Variants in PDE3A observed in about 807,000 individuals in gnomAD.
PDE3A encodes the protein cGMP-inhibited 3',5'-cyclic phosphodiesterase 3A.
PDE3A carries 43 observed loss-of-function variants against 98.3 expected under a neutral mutation model. That is an observed-to-expected ratio of 0.44 (90% confidence interval 0.34 to 0.56). PDE3A has a LOEUF of 0.56. Ranked by LOEUF, PDE3A falls within the 20% of genes least tolerant of loss-of-function variation. The pLI, the probability that PDE3A is intolerant of heterozygous loss-of-function variation, is 0.01. For missense variants in PDE3A, 1,427 were observed against 1,440.7 expected, an observed-to-expected ratio of 0.99 and a Z score of 0.15; for synonymous variants, 663 against 567.9, an observed-to-expected ratio of 1.17 and a Z score of -2.38.
intron 1 of PDE3A, among the ~76,000 whole-genome samples, chr12:20,444,612 G>A (rs2120858575): frequency 6.6e-6 from 1 of 152,270 alleles, no homozygotes; most frequent in Non-Finnish European, 1.5e-5. Context: ...ACATTTACGA[G>A]CTCAAAAGTT....
chr12:20,677,797 CA>C (rs1945679760), intron 15 of PDE3A, among the ~76,000 whole-genome samples: 1 of 115,498 alleles, frequency 8.7e-6, no homozygotes, highest in South Asian at 3.2e-4. Context: ...TCTATGCTGC[CA>C]GTTGGGTAAA....
chr12:20,390,469 A>C (rs1007458842), intron 1 of PDE3A, among the ~76,000 whole-genome samples: 2 of 151,220 alleles, frequency 1.3e-5, no homozygotes, highest in Non-Finnish European at 1.5e-5. Flanking sequence ...AAAAAAAAAA[A>C]AAAACTGCAG....
chr12:20,527,516 G>C (rs1946546472), intron 1 of PDE3A, among the ~76,000 whole-genome samples: 2 of 151,968 alleles, frequency 1.3e-5, no homozygotes, highest in African/African-American at 4.8e-5. Flanking sequence ...TTTTTCCTGG[G>C]TCCTCTCTCC....
chr12:20,371,307 T>A (rs1943470463), intron 1 of PDE3A: 1 of 979,330 alleles, frequency 1.0e-6, no homozygotes, highest in Non-Finnish European at 1.2e-6. Context: ...GCCTCCCTAG[T>A]TGAAGCAGAT....
At chr12:20,500,061 G>A (rs890554260) in intron 1 of PDE3A, among the ~76,000 whole-genome samples, 1 of 152,162 alleles carries the variant, frequency 6.6e-6, no homozygotes, top group Admixed American at 6.5e-5. Flanking sequence ...GAAGAAGCAA[G>A]AGTCTCTGCC....
At chr12:20,655,379 A>G (rs571883444) in intron 15 of PDE3A, among the ~76,000 whole-genome samples, 2 of 152,206 alleles carry the variant, frequency 1.3e-5, no homozygotes, top group South Asian at 2.1e-4. Flanking sequence ...GGGGATGTAC[A>G]TTGGGTGGGG....
chr12:20,393,615 C>G (rs1021755723), intron 1 of PDE3A, among the ~76,000 whole-genome samples: 4 of 151,908 alleles, frequency 2.6e-5, no homozygotes, highest in African/African-American at 4.8e-5. Context: ...ATACCCCAAA[C>G]TATGTACAAC....
At chr12:20,430,014 C>G (rs1944668782) in intron 1 of PDE3A, among the ~76,000 whole-genome samples, 1 of 152,116 alleles carries the variant, frequency 6.6e-6, no homozygotes, top group Non-Finnish European at 1.5e-5. Flanking sequence ...CCTTTGAGTT[C>G]TCAGTTTTAT....
intron 1 of PDE3A, among the ~76,000 whole-genome samples, chr12:20,521,660 A>C (rs2121153324): frequency 6.6e-6 from 1 of 152,298 alleles, no homozygotes; most frequent in Admixed American, 6.5e-5. Flanking sequence ...TTATTTCAAG[A>C]TTATTAATTC....
intron 1 of PDE3A, among the ~76,000 whole-genome samples, chr12:20,471,523 C>G (rs1231171607): frequency 1.3e-5 from 2 of 152,166 alleles, no homozygotes; most frequent in East Asian, 1.9e-4. Flanking sequence ...CATGCTCTCT[C>G]TTCCCCTCTG....
chr12:20,461,802 G>C (rs1277407920), intron 1 of PDE3A, among the ~76,000 whole-genome samples: 1 of 152,146 alleles, frequency 6.6e-6, no homozygotes, highest in Non-Finnish European at 1.5e-5. Context: ...GTAAGAATCA[G>C]ATATCAGTAA....
At chr12:20,464,797 G>A (rs1297365999) in intron 1 of PDE3A, among the ~76,000 whole-genome samples, 1 of 152,174 alleles carries the variant, frequency 6.6e-6, no homozygotes, top group Non-Finnish European at 1.5e-5. Context: ...CATGTGCAAA[G>A]AAGTTGTGGT....
intron 1 of PDE3A, among the ~76,000 whole-genome samples, chr12:20,462,413 C>T (rs1945266584): frequency 6.6e-6 from 1 of 152,130 alleles, no homozygotes; most frequent in Admixed American, 6.5e-5. Context: ...ATCGCTTGAA[C>T]CTGGGAGGCA....
intron 14 of PDE3A, among the ~76,000 whole-genome samples, chr12:20,650,942 G>A (rs752648856): frequency 6.6e-6 from 1 of 152,082 alleles, no homozygotes; most frequent in African/African-American, 2.4e-5. Context: ...GGAGTAGCTT[G>A]TATGTATATG....
intron 2 of PDE3A, among the ~76,000 whole-genome samples, chr12:20,573,527 C>CT (rs1942853580): frequency 6.6e-6 from 1 of 152,036 alleles, no homozygotes; most frequent in African/African-American, 2.4e-5. Flanking sequence ...AAATGCAAGA[C>CT]TAAGATGCAA....
At chr12:20,556,869 T>G (rs1006151489) in intron 2 of PDE3A, 159 bp downstream of exon 2, 2 of 673,074 alleles carry the variant, frequency 3.0e-6, no homozygotes, top group Non-Finnish European at 5.3e-6. Context: ...AAGTCTGGAT[T>G]TCAAATCCCA....
intron 1 of PDE3A, among the ~76,000 whole-genome samples, chr12:20,454,405 T>C (rs933816491): frequency 9.2e-5 from 14 of 152,218 alleles, no homozygotes; most frequent in African/African-American, 3.4e-4. Flanking sequence ...TGACATGTTA[T>C]TGTCTTATTG....
intron 1 of PDE3A, among the ~76,000 whole-genome samples, chr12:20,458,489 C>T (rs1040029513): frequency 6.6e-6 from 1 of 152,058 alleles, no homozygotes; most frequent in African/African-American, 2.4e-5. Flanking sequence ...GTAGTTCTCT[C>T]CCACCTTCTT....
chr12:20,535,243 G>A (rs1941718339), intron 1 of PDE3A, among the ~76,000 whole-genome samples: 1 of 152,082 alleles, frequency 6.6e-6, no homozygotes, highest in South Asian at 2.1e-4. Context: ...CTCATCCCTG[G>A]TAATCTATAC....
Sources: allele counts gnomAD v4.1 joint callset (sites outside exome capture counted in the v4.1 genomes callset), GRCh38; gene constraint gnomAD v4.1.1; transcripts MANE v1.5; gene names NCBI Gene and HGNC (gene_info 2026-07-23, HGNC 2026-07-21).